The following TMEM132D variants were observed in gnomAD, a reference collection of about 807,000 sequenced individuals.
TMEM132D encodes the protein mature OL transmembrane protein.
TMEM132D carries 21 observed loss-of-function variants against 62.3 expected under a neutral mutation model. That is an observed-to-expected ratio of 0.34 (90% CI 0.24 to 0.49). TMEM132D has a LOEUF of 0.49. Ranked by LOEUF, TMEM132D falls within the 20% of genes least tolerant of loss-of-function variation. TMEM132D has a pLI of 0.99. For synonymous variants in TMEM132D, 621 were observed against 575.6 expected, an observed-to-expected ratio of 1.08 and a Z score of -1.13; for missense variants, 1,346 against 1,402.8, an observed-to-expected ratio of 0.96 and a Z score of 0.65.
intron 1 of TMEM132D, among the ~76,000 whole-genome samples, chr12:129,832,941 C>T (rs1309023109): frequency 1.3e-5 from 2 of 152,188 alleles, no homozygotes; most frequent in Non-Finnish European, 2.9e-5. Flanking sequence ...AACTCTTTCT[C>T]GCAATCCCCC....
At chr12:129,862,202 TA>T (rs1873921742) in intron 1 of TMEM132D, among the ~76,000 whole-genome samples, 3 of 152,186 alleles carry the variant, frequency 2.0e-5, no homozygotes. Flanking sequence ...GTGGGAAAAA[TA>T]AACCTGTTGG....
chr12:129,602,558 C>A (rs1267735060), intron 2 of TMEM132D, among the ~76,000 whole-genome samples: 1 of 152,120 alleles, frequency 6.6e-6, no homozygotes, highest in Non-Finnish European at 1.5e-5. Flanking sequence ...ACTCCGGTGG[C>A]AGAAATGTGT....
chr12:129,498,082 C>T (rs1875014404), intron 3 of TMEM132D, among the ~76,000 whole-genome samples: 1 of 152,170 alleles, frequency 6.6e-6, no homozygotes, highest in African/African-American at 2.4e-5. Context: ...ACATCATTCC[C>T]TCATGGTTCA....
At chr12:129,900,691 C>T (rs1393506231) in intron 1 of TMEM132D, among the ~76,000 whole-genome samples, 3 of 152,196 alleles carry the variant, frequency 2.0e-5, no homozygotes, top group Admixed American at 6.5e-5. Context: ...CTCCATACAC[C>T]TGCCCCCTCC....
chr12:129,646,012 G>A (rs757100400), intron 2 of TMEM132D, among the ~76,000 whole-genome samples: 7 of 152,154 alleles, frequency 4.6e-5, no homozygotes, highest in African/African-American at 9.7e-5. Flanking sequence ...CCATATATAT[G>A]GCCAGTCAGC....
At chr12:129,862,817 A>C (rs1465850829) in intron 1 of TMEM132D, among the ~76,000 whole-genome samples, 1 of 152,026 alleles carries the variant, frequency 6.6e-6, no homozygotes, top group African/African-American at 2.4e-5. Context: ...GAAAGCTGAC[A>C]CAGCCTAGGC....
At position 129,539,364 on chromosome 12, in the gene TMEM132D, C is replaced by T. The variant is rs572949207; in HGVS notation, c.969-8159G>A. ...CTCCCAGCTCAGCTTCCCAAGTAGC[C>T]GGGACTACAGGTGTGAGCCACCACA... On this transcript the variant is annotated intron_variant, in intron 2 of 8. Coordinates refer to ENST00000422113, the MANE Select transcript of TMEM132D (RefSeq NM_133448.3). Among the ~76,000 whole-genome samples the T allele has an allele frequency of 1.5e-3, 232 of 150,210 alleles. 2 individuals carry two copies. The highest frequency in any genetic ancestry group is 5.2e-3 in the African/African-American group (213 of 40,826).
At chr12:129,443,182 C>A (rs1323670528) in intron 3 of TMEM132D, among the ~76,000 whole-genome samples, 1 of 152,166 alleles carries the variant, frequency 6.6e-6, no homozygotes, top group Admixed American at 6.5e-5. Flanking sequence ...AAGTTGCTTC[C>A]AAGGGTAAAA....
intron 1 of TMEM132D, among the ~76,000 whole-genome samples, chr12:129,819,581 C>A (rs576652715): frequency 6.6e-6 from 1 of 152,192 alleles, no homozygotes; most frequent in East Asian, 1.9e-4. Context: ...CGGACCCTGA[C>A]CTTGAGTCAC....
chr12:129,735,042 A>T (rs1869381037), intron 1 of TMEM132D, among the ~76,000 whole-genome samples: 2 of 152,228 alleles, frequency 1.3e-5, no homozygotes, highest in Admixed American at 6.5e-5. Flanking sequence ...GACAAAAAGA[A>T]TTAAAAGTTA....
At chr12:129,638,109 C>A (rs1879535702) in intron 2 of TMEM132D, among the ~76,000 whole-genome samples, 1 of 152,212 alleles carries the variant, frequency 6.6e-6, no homozygotes, top group Non-Finnish European at 1.5e-5. Flanking sequence ...CAGCCAGGGG[C>A]TGGAAGAGAT....
intron 2 of TMEM132D, among the ~76,000 whole-genome samples, chr12:129,654,993 G>T (rs1046053437): frequency 1.3e-5 from 2 of 151,772 alleles, no homozygotes; most frequent in Admixed American, 6.6e-5. Context: ...TGTCGCCCAG[G>T]CTGGAGTGCA....
chr12:129,553,424 A>G (rs1484104025), intron 2 of TMEM132D, among the ~76,000 whole-genome samples: 1 of 152,110 alleles, frequency 6.6e-6, no homozygotes, highest in Non-Finnish European at 1.5e-5. Flanking sequence ...GCACTCTTTT[A>G]GGAAAGACTC....
intron 1 of TMEM132D, among the ~76,000 whole-genome samples, chr12:129,880,017 C>CCAAACCCAAA (rs1566017890): frequency 6.6e-6 from 1 of 151,990 alleles, no homozygotes; most frequent in Non-Finnish European, 1.5e-5. Context: ...GACCCCAGAA[C>CCAAACCCAAA]CTCAGAGAAT....
intron 4 of TMEM132D, among the ~76,000 whole-genome samples, chr12:129,231,466 A>G (rs1879637865): frequency 6.6e-6 from 1 of 152,234 alleles, no homozygotes; most frequent in South Asian, 2.1e-4. Flanking sequence ...AATGTGTTAT[A>G]TGTTTACAGC....
At position 129,473,318 on chromosome 12, in the gene TMEM132D, G is replaced by GTT. The variant is rs1441231858; in HGVS notation, c.1115+57739_1115+57740dup. 9.3e-3 allele frequency among the ~76,000 whole-genome samples: 538 copies of GTT among 57,682 alleles called. 5 individuals are homozygous for GTT. The highest frequency in any genetic ancestry group is 0.017 in the East Asian group (32 of 1,902). The allele number at this position is 57,682 out of a possible 152,430, so 37.8% of individuals were successfully genotyped here. On this transcript the variant is annotated intron_variant, in intron 3 of 8. Coordinates refer to ENST00000422113, the MANE Select transcript of TMEM132D (RefSeq NM_133448.3). The stretch of plus-strand genomic sequence containing the variant: ...AGTTTTTGGCAATAAAGTGATTTTA[G>GTT]TTTTTGTTTTTTTTTTTTTTTTTTT...
intron 3 of TMEM132D, among the ~76,000 whole-genome samples, chr12:129,399,534 C>T (rs927302714): frequency 2.0e-5 from 3 of 151,586 alleles, no homozygotes; most frequent in Non-Finnish European, 2.9e-5. Flanking sequence ...GGTCCCACCT[C>T]TCTACACTGG....
intron 4 of TMEM132D, among the ~76,000 whole-genome samples, chr12:129,222,758 G>A (rs776280780): frequency 6.6e-6 from 1 of 152,114 alleles, no homozygotes; most frequent in Admixed American, 6.6e-5. Context: ...GTGAGGTGTT[G>A]GGGGAAATGG....
intron 1 of TMEM132D, among the ~76,000 whole-genome samples, chr12:129,814,287 A>C (rs576578629): frequency 6.6e-6 from 1 of 152,300 alleles, no homozygotes; most frequent in East Asian, 1.9e-4. Context: ...AAAGACAGTA[A>C]GTTATATAGG....
Sources: allele counts gnomAD v4.1 joint callset (sites outside exome capture counted in the v4.1 genomes callset), GRCh38; gene constraint gnomAD v4.1.1; transcripts MANE v1.5; gene names NCBI Gene and HGNC (gene_info 2026-07-23, HGNC 2026-07-21).